Variants in FAM135B observed in about 807,000 individuals in gnomAD.
FAM135B encodes the protein family with sequence similarity 135 member B, also known as protein FAM135B.
A neutral mutation model predicts 127.7 loss-of-function variants in FAM135B; 43 were observed. The ratio of observed to expected loss-of-function variants is 0.34; its 90% CI spans 0.26 to 0.43. The LOEUF is 0.43. Ranked by LOEUF, FAM135B falls within the 20% of genes least tolerant of loss-of-function variation. The probability of loss-of-function intolerance (pLI) is 1.00; values close to 1 mark genes in which losing one functional copy is unlikely to be tolerated. For synonymous variants in FAM135B, 670 were observed against 665.1 expected, an observed-to-expected ratio of 1.01 and a Z score of -0.11; for missense variants, 1,558 against 1,725.6, an observed-to-expected ratio of 0.90 and a Z score of 1.72.
rs1816326910 is a variant in FAM135B, at chr8:138,132,985, G to A, written c.4016-187C>T. Among the ~76,000 whole-genome samples the A allele has an allele frequency of 6.6e-6, 1 of 152,172 alleles. No homozygotes were observed. The highest frequency in any genetic ancestry group is 6.5e-5 in the Admixed American group (1 of 15,282). The stretch of plus-strand genomic sequence containing the variant: ...CAAAGTTCTCTTTTTCTAGTCAGAT[G>A]ACAATAGCCAGAAGTCAGAAGGGGA... On this transcript the variant is annotated intron_variant, in intron 19 of 19. Coordinates refer to ENST00000395297, the MANE Select transcript of FAM135B (RefSeq NM_015912.4). The surrounding 1 kb of genome is among the most constrained non-coding windows in gnomAD (Gnocchi z 4.5).
At chr8:138,492,364 A>C (rs1815236521) in intron 1 of FAM135B, among the ~76,000 whole-genome samples, 2 of 151,468 alleles carry the variant, frequency 1.3e-5, no homozygotes, top group South Asian at 4.2e-4. Context: ...ATTCCTTCTC[A>C]CACTATTTCT....
chr8:138,384,814 G>T (rs1832085949), intron 1 of FAM135B, among the ~76,000 whole-genome samples: 2 of 152,170 alleles, frequency 1.3e-5, no homozygotes, highest in African/African-American at 4.8e-5. Context: ...ACCACCTAGA[G>T]GACACAAGCC....
At chr8:138,342,041 C>T (rs1171089518) in intron 2 of FAM135B, among the ~76,000 whole-genome samples, 2 of 152,184 alleles carry the variant, frequency 1.3e-5, no homozygotes, top group Non-Finnish European at 2.9e-5. Context: ...TCATTTAACC[C>T]TGTCATTAAT....
rs758095942 is a variant in FAM135B at position 138,241,713 on chromosome 8, T to C, written c.669+1229A>G. ...ACTTATAATGTGGGCTACTCAGAAA[T>C]TAGTAGTGATAGTTACTATTAATGT... On this transcript the variant is annotated intron_variant, in intron 7 of 19. Coordinates refer to ENST00000395297, the MANE Select transcript of FAM135B (RefSeq NM_015912.4). This position sits in a 1 kb window ranked among gnomAD's most constrained non-coding sequence, Gnocchi z 4.8. 6.6e-6 allele frequency among the ~76,000 whole-genome samples: 1 copy of C among 152,190 alleles called. No individual in the cohort carries two copies. The highest frequency in any genetic ancestry group is 1.5e-5 in the Non-Finnish European group (1 of 68,034).
intron 2 of FAM135B, among the ~76,000 whole-genome samples, chr8:138,365,491 G>C (rs570402795): frequency 2.0e-5 from 3 of 151,914 alleles, no homozygotes; most frequent in Non-Finnish European, 4.4e-5. Context: ...ATGCTTACAA[G>C]TCTATATATC....
intron 1 of FAM135B, among the ~76,000 whole-genome samples, chr8:138,468,856 C>T (rs1479402268): frequency 6.6e-6 from 1 of 152,078 alleles, no homozygotes; most frequent in Non-Finnish European, 1.5e-5. Flanking sequence ...ACCAGCCTGG[C>T]CAACAAAGTG....
intron 2 of FAM135B, among the ~76,000 whole-genome samples, chr8:138,326,608 G>T (rs1827810232): frequency 6.6e-6 from 1 of 152,232 alleles, no homozygotes; most frequent in Non-Finnish European, 1.5e-5. Flanking sequence ...GCAGTCAGAA[G>T]GTGGGAGAAG....
chr8:138,377,684 A>C (rs80091983), intron 1 of FAM135B, among the ~76,000 whole-genome samples: 2,458 of 152,358 alleles, frequency 0.016, 63 homozygotes, highest in African/African-American at 0.056. Context: ...AAATCAGAGC[A>C]GGATACCAGA....
At chr8:138,207,501 C>T (rs775120101) in intron 7 of FAM135B, among the ~76,000 whole-genome samples, 20 of 152,152 alleles carry the variant, frequency 1.3e-4, no homozygotes, top group East Asian at 1.9e-4. Context: ...TGAGTCACCG[C>T]GCCCCACCTG....
chr8:138,310,817 C>T (rs2130892204), intron 3 of FAM135B, 24 bp downstream of exon 3: 2 of 1,608,144 alleles, frequency 1.2e-6, no homozygotes, highest in Non-Finnish European at 1.7e-6. Context: ...GGGGCAAGTG[C>T]CCCATTGCCA....
At chr8:138,151,133 G>A in intron 13 of FAM135B, 61 bp downstream of exon 13, 1 of 1,323,374 alleles carries the variant, frequency 7.6e-7, no homozygotes, top group Non-Finnish European at 1.0e-6. Flanking sequence ...ATGAAATGGA[G>A]AAATATGTGG....
intron 1 of FAM135B, among the ~76,000 whole-genome samples, chr8:138,422,107 C>CA (rs1360397503): frequency 6.6e-6 from 1 of 151,968 alleles, no homozygotes; most frequent in East Asian, 1.9e-4. Context: ...TCACCATACA[C>CA]AAAAAAGTCA....
At chr8:138,412,100 C>G (rs767951256) in intron 1 of FAM135B, among the ~76,000 whole-genome samples, 3 of 152,128 alleles carry the variant, frequency 2.0e-5, no homozygotes, top group Non-Finnish European at 4.4e-5. Flanking sequence ...GGCTGAAAAA[C>G]CAACTCTTAG....
At chr8:138,215,148 C>T (rs1177353863) in intron 7 of FAM135B, among the ~76,000 whole-genome samples, 1 of 152,154 alleles carries the variant, frequency 6.6e-6, no homozygotes, top group Non-Finnish European at 1.5e-5. Context: ...TATCTAGAGT[C>T]TAACAGCCTG....
At chr8:138,361,194 G>C (rs914969122) in intron 2 of FAM135B, among the ~76,000 whole-genome samples, 8 of 152,132 alleles carry the variant, frequency 5.3e-5, no homozygotes, top group Non-Finnish European at 1.0e-4. Context: ...TCCCAAAGCT[G>C]GGATTACAGG....
At chr8:138,494,732 TAC>T (rs1360757367) in intron 1 of FAM135B, among the ~76,000 whole-genome samples, 1 of 151,934 alleles carries the variant, frequency 6.6e-6, no homozygotes, top group Non-Finnish European at 1.5e-5. Flanking sequence ...CACCTGACAT[TAC>T]AGAGCAGAGT....
intron 7 of FAM135B, among the ~76,000 whole-genome samples, chr8:138,209,185 T>C (rs1158180529): frequency 6.6e-6 from 1 of 152,148 alleles, no homozygotes; most frequent in Non-Finnish European, 1.5e-5. Flanking sequence ...GGTTAATGAA[T>C]ACTGTCCTCA....
chr8:138,451,013 G>A (rs988783524), intron 1 of FAM135B, among the ~76,000 whole-genome samples: 25 of 152,290 alleles, frequency 1.6e-4, no homozygotes, highest in Admixed American at 6.5e-4. Context: ...TATATGAAGT[G>A]CTGTGATCCA....
chr8:138,434,506 A>T (rs1294491909), intron 1 of FAM135B, among the ~76,000 whole-genome samples: 1 of 152,188 alleles, frequency 6.6e-6, no homozygotes, highest in Admixed American at 6.5e-5. Flanking sequence ...GCTAGTAAGC[A>T]TCACAAGGTA....
Sources: allele counts gnomAD v4.1 joint callset (sites outside exome capture counted in the v4.1 genomes callset), GRCh38; gene constraint gnomAD v4.1.1; non-coding constraint Gnocchi (gnomAD v3.1); transcripts MANE v1.5; gene names NCBI Gene and HGNC (gene_info 2026-07-23, HGNC 2026-07-21).